PKN2: variants seen among roughly 807,000 people sequenced by gnomAD.
PKN2 encodes the protein serine/threonine-protein kinase N2.
In PKN2, 38 loss-of-function variants were observed where a neutral mutation model predicts 119.1. The ratio of observed to expected loss-of-function variants is 0.32; its 90% confidence interval spans 0.25 to 0.42. The LOEUF is 0.42. Ranked by LOEUF, PKN2 falls within the 10% of genes least tolerant of loss-of-function variation. The pLI is 1.00. For synonymous variants in PKN2, 390 were observed against 384.9 expected (o/e 1.01, Z -0.15); for missense variants, 850 against 1,165.1 (o/e 0.73, Z 3.94).
At chr1:88,701,073 A>C (rs775296881) in intron 1 of PKN2, among the ~76,000 whole-genome samples, 1 of 152,226 alleles carries the variant, frequency 6.6e-6, no homozygotes, top group African/African-American at 2.4e-5. Context: ...TCACAACAGA[A>C]GTAGATAATA....
At chr1:88,799,979 ATCTTTCCTCAGC>A (rs1416435315) in intron 8 of PKN2, among the ~76,000 whole-genome samples, 2 of 152,218 alleles carry the variant, frequency 1.3e-5, no homozygotes, top group African/African-American at 4.8e-5. Flanking sequence ...CAGAAATCTC[ATCTTTCCTCAGC>A]TCTTGAATTT....
intron 1 of PKN2, among the ~76,000 whole-genome samples, chr1:88,706,110 G>A (rs1318217679): frequency 6.6e-6 from 1 of 152,040 alleles, no homozygotes; most frequent in East Asian, 1.9e-4. Flanking sequence ...TAAGTTGTCT[G>A]TTCTATGATA....
At chr1:88,727,630 C>A (rs1217660188) in intron 1 of PKN2, among the ~76,000 whole-genome samples, 1 of 152,198 alleles carries the variant, frequency 6.6e-6, no homozygotes, top group African/African-American at 2.4e-5. Context: ...CTGTGGGCTA[C>A]ATGTGTATTT....
intron 9 of PKN2, 127 bp downstream of exon 9, chr1:88,804,661 C>A: frequency 1.1e-6 from 1 of 912,814 alleles, no homozygotes; most frequent in Non-Finnish European, 1.7e-6. Flanking sequence ...CTGAGCTATG[C>A]CACTGAATAG....
At chr1:88,728,482 C>G (rs1375760664) in intron 1 of PKN2, among the ~76,000 whole-genome samples, 1 of 151,874 alleles carries the variant, frequency 6.6e-6, no homozygotes, top group Admixed American at 6.6e-5. Context: ...TGTCTTTCTT[C>G]TCACTAGACA....
chr1:88,729,326 G>A (rs1387604455), intron 1 of PKN2, among the ~76,000 whole-genome samples: 1 of 152,170 alleles, frequency 6.6e-6, no homozygotes, highest in Non-Finnish European at 1.5e-5. Flanking sequence ...TAGTACAATA[G>A]CCTCTTTATT....
intron 2 of PKN2, 41 bp from the exon 3 acceptor site, chr1:88,760,181 A>T: frequency 8.7e-7 from 1 of 1,143,100 alleles, no homozygotes; most frequent in Admixed American, 2.3e-5. Context: ...TTAAGCAGCA[A>T]TTCATTCTAA....
At chr1:88,688,951 T>C (rs1666224368) in intron 1 of PKN2, among the ~76,000 whole-genome samples, 2 of 152,240 alleles carry the variant, frequency 1.3e-5, no homozygotes, top group Non-Finnish European at 2.9e-5. Context: ...AAAAATATTC[T>C]CTTTAAAAGT....
intron 1 of PKN2, among the ~76,000 whole-genome samples, chr1:88,723,786 G>C (rs1053625884): frequency 6.6e-6 from 1 of 152,136 alleles, no homozygotes; most frequent in Non-Finnish European, 1.5e-5. Flanking sequence ...ATTTTAAGCA[G>C]TATTGGTGGA....
chr1:88,786,276 T>C, intron 8 of PKN2, 63 bp downstream of exon 8: 1 of 821,526 alleles, frequency 1.2e-6, no homozygotes, highest in Non-Finnish European at 2.0e-6. Flanking sequence ...GAGTTATATT[T>C]TTTAGAAGGC....
At chr1:88,824,533 T>G (rs1570688930) in intron 18 of PKN2, 147 bp downstream of exon 18, 1 of 561,818 alleles carries the variant, frequency 1.8e-6, no homozygotes, top group East Asian at 2.9e-5. Flanking sequence ...AAAACATTGC[T>G]TATATAACCT....
intron 2 of PKN2, among the ~76,000 whole-genome samples, chr1:88,750,282 C>T (rs191294722): frequency 1.1e-4 from 16 of 152,294 alleles, no homozygotes; most frequent in Non-Finnish European, 1.9e-4. Flanking sequence ...ATCTCCAACA[C>T]AATCAAGGAA....
rs12027945 is a variant in PKN2 at position 88,774,856 on chromosome 1, G to A, written c.985+2977G>A. 6.6e-4 allele frequency among the ~76,000 whole-genome samples: 100 copies of A among 152,068 alleles called. 1 individual carries two copies. The East Asian group carries it at 0.018, about 27-fold the overall frequency. ...CCTGAGTAGCTAGGAGTACGGGAAC[G>A]TGCCACCACACCTAGCTAATTTTTA... On this transcript the variant is annotated intron_variant, in intron 6 of 21. Coordinates refer to ENST00000370521, the MANE Select transcript of PKN2 (RefSeq NM_006256.4).
chr1:88,717,944 G>A (rs1667522726), intron 1 of PKN2, among the ~76,000 whole-genome samples: 1 of 152,078 alleles, frequency 6.6e-6, no homozygotes, highest in Admixed American at 6.6e-5. Flanking sequence ...ATCTACCTTT[G>A]GTCTTTGATG....
In PKN2 at chr1:88,833,146, C is replaced by T; in HGVS notation, c.2740C>T (p.Pro914Ser). 1 of 1,612,714 alleles carries T rather than the reference C, an allele frequency of 6.2e-7. No individual in the cohort carries two copies. Among genetic ancestry groups the T allele is most frequent in the Non-Finnish European group, 8.5e-7 (1 of 1,179,256 alleles). Residue 914 changes from proline (P) to serine (S), a missense_variant, in exon 21 of 22, where the codon CCA becomes TCA. Coordinates refer to ENST00000370521, the MANE Select transcript of PKN2 (RefSeq NM_006256.4). Reference protein sequence around the residue: ...EKDAEDVKKHPFFRLIDWSAL... With the variant: ...EKDAEDVKKHSFFRLIDWSAL... The stretch of plus-strand genomic sequence containing the variant: ...AGATGCAGAGGATGTAAAAAAGCAC[C>T]CATTTTTCCGGGTAAGTGTGACTAT...
At chr1:88,769,466 CT>C (rs1669798679) in intron 3 of PKN2, among the ~76,000 whole-genome samples, 1 of 152,032 alleles carries the variant, frequency 6.6e-6, no homozygotes, top group Non-Finnish European at 1.5e-5. Flanking sequence ...AAGGAAAATT[CT>C]TTATGTTTTG....
intron 1 of PKN2, among the ~76,000 whole-genome samples, chr1:88,725,131 C>T (rs964084658): frequency 6.6e-5 from 10 of 152,006 alleles, no homozygotes; most frequent in African/African-American, 2.2e-4. Context: ...CCCATGTACC[C>T]GTTGAAGAAC....
At chr1:88,684,702 G>A in intron 1 of PKN2, 74 bp downstream of exon 1, 2 of 1,329,672 alleles carry the variant, frequency 1.5e-6, no homozygotes, top group Non-Finnish European at 2.0e-6. Context: ...GTCGGGGACC[G>A]AGGAAAGCCC....
At chr1:88,705,769 A>G (rs1428990321) in intron 1 of PKN2, among the ~76,000 whole-genome samples, 1 of 151,980 alleles carries the variant, frequency 6.6e-6, no homozygotes, top group South Asian at 2.1e-4. Flanking sequence ...TCAGTTGTTC[A>G]TATATGTGTG....
Sources: gnomAD v4.1 joint callset for allele counts (sites outside exome capture counted in the v4.1 genomes callset) on GRCh38, gnomAD v4.1.1 for gene constraint, MANE v1.5 for transcripts, NCBI Gene and HGNC (gene_info 2026-07-23, HGNC 2026-07-21) for gene names.